ABCA2: variants seen among roughly 807,000 people sequenced by gnomAD.
The protein encoded by ABCA2 is ATP-binding cassette sub-family A member 2.
Under a neutral mutation model 262.8 loss-of-function variants are expected in ABCA2, and 84 were observed. That is an observed-to-expected ratio of 0.32 (90% CI 0.27 to 0.38). ABCA2 has a LOEUF of 0.38. Among genes scored for constraint, ABCA2 ranks in the 10% least tolerant of loss-of-function variants. The probability of loss-of-function intolerance (pLI) is 1.00; values close to 1 mark genes in which losing one functional copy is unlikely to be tolerated. For missense variants in ABCA2, 2,662 were observed against 3,405.9 expected, an observed-to-expected ratio of 0.78 and a Z score of 5.44; for synonymous variants, 1,696 against 1,502.9, an observed-to-expected ratio of 1.13 and a Z score of -2.97.
Position 137,018,314 on chromosome 9 carries a change from C to G in ABCA2, c.1857G>C (p.Pro619=). 2 of 1,437,358 alleles carry G rather than the reference C, an allele frequency of 1.4e-6. No individual in the cohort carries two copies. Among genetic ancestry groups the G allele is most frequent in the Non-Finnish European group, 1.9e-6 (2 of 1,076,628 alleles). The allele number at this position is 1,437,358 out of a possible 1,614,324, so 89.0% of individuals were successfully genotyped here. A position where few individuals can be genotyped will look rare whatever the true frequency, so the allele number is the denominator to read the frequency against. ...IFQTRKDGSL[P]PHVHYKIRQN... ...GGCGGATCTTGTAGTGCACGTGAGG[C>G]GGGAGCGAGCCGTCCTTCCGGGTCT... Residue 619 remains proline, a synonymous_variant, in exon 14 of 49, where the codon CCG becomes CCC. Coordinates refer to ENST00000341511, the MANE Select transcript of ABCA2 (RefSeq NM_001606.5).
Position 137,010,604 on chromosome 9 carries a change from CAT to C in ABCA2, c.6174+14_6174+15del. The C allele has an allele frequency of 2.8e-6, 2 of 720,256 alleles. No homozygotes were observed. Among genetic ancestry groups the C allele is most frequent in the Non-Finnish European group, 5.0e-6 (2 of 398,230 alleles). The allele number at this position is 720,256 out of a possible 1,614,324, so 44.6% of individuals were successfully genotyped here. On this transcript the variant is annotated intron_variant, in intron 40 of 48. Transcript: ENST00000341511. Reference sequence around the variant, plus strand: ...CCTACCCCACCCAGGCCCCACCCTACATGCCCAGAGCCCACCTTGGTCAGGTT... The same window carrying C: ...CCTACCCCACCCAGGCCCCACCCTACGCCCAGAGCCCACCTTGGTCAGGTT...
chr9:137,019,893 T>A lies in ABCA2; in HGVS notation c.1425+443A>T, dbSNP rs986370400. 2 of 203,158 alleles carry A rather than the reference T, an allele frequency of 9.8e-6. No individual in the cohort carries two copies. Among genetic ancestry groups the A allele is most frequent in the Non-Finnish European group, 2.0e-5 (2 of 99,676 alleles). 12.6% of individuals were successfully genotyped at this position (203,158 alleles called of 1,614,324 possible). Reference sequence around the variant, plus strand: ...TCCACCCTCATCTGTCCCACCCTCATCCTAGGGACCCCCTCTACACCCAGG... The same window carrying A: ...TCCACCCTCATCTGTCCCACCCTCAACCTAGGGACCCCCTCTACACCCAGG... On this transcript the variant is annotated intron_variant, in intron 10 of 48. Coordinates refer to ENST00000341511, the MANE Select transcript of ABCA2 (RefSeq NM_001606.5). This position sits in a 1 kb window ranked among gnomAD's most constrained non-coding sequence, Gnocchi z 4.4.
Position 137,015,540 on chromosome 9 carries a change from G to A in ABCA2, c.3571C>T (p.Arg1191Cys), listed in dbSNP as rs1156673890. The change falls in exon 24 of 49, where the codon CGC becomes TGC. Residue 1191 changes from arginine to cysteine, a missense_variant. Transcript: ENST00000341511. ...TTCCCATGGGAGATGATGGCAATGC[G>A]GTCCCCAAGCAGGTCAGCCTCATCC... is the stretch of plus-strand genomic sequence containing the variant. ...HMDEADLLGD[R>C]IAIISHGKLK... 8.1e-6 allele frequency: 13 copies of A among 1,612,470 alleles called. No individual in the cohort carries two copies. The highest frequency in any genetic ancestry group is 6.8e-6 in the Non-Finnish European group (8 of 1,179,856).
Position 137,009,549 on chromosome 9 carries a change from T to C in ABCA2, c.6726A>G (p.Thr2242=), listed in dbSNP as rs1420185680. The C allele has an allele frequency of 1.2e-6, 2 of 1,612,640 alleles. No individual in the cohort carries two copies. Among genetic ancestry groups the C allele is most frequent in the Non-Finnish European group, 1.7e-6 (2 of 1,179,908 alleles). Residue 2242 remains threonine, a synonymous_variant, in exon 44 of 49, where the codon ACA becomes ACG. Transcript: ENST00000341511. ...GGTGGGGGCGCCCTCACCTGTGTGA[T>C]GTCAGCACCACTGAACGCCCTGTCT... ...LIKTGRSVVL[T]SHSMEECEAL... is the part of the protein sequence containing the mutation.
At position 137,017,690 on chromosome 9, in the gene ABCA2, C is replaced by T. The variant is rs758224635; in HGVS notation, c.2214G>A (p.Val738=). The change falls in exon 17 of 49, where the codon GTG becomes GTA. Residue 738 remains valine (V), a splice_region_variant and synonymous_variant. Transcript: ENST00000341511. ...CGTTGTTCAGGCCCATGGTCTTCATCACCTGCGGGTGGGCCAGGGGCTTGG... is the reference window on the plus strand; with the variant it reads ...CGTTGTTCAGGCCCATGGTCTTCATTACCTGCGGGTGGGCCAGGGGCTTGG... ...VAEKEHRLKE[V]MKTMGLNNAV... The T allele has an allele frequency of 6.2e-7, 1 of 1,607,986 alleles. No individual in the cohort carries two copies. Among genetic ancestry groups the T allele is most frequent in the South Asian group, 1.1e-5 (1 of 91,022 alleles).
intron 10 of ABCA2, 176 bp downstream of exon 10, chr9:137,020,160 C>CCTG (rs11273732): frequency 0.084 from 68,776 of 817,760 alleles, 3,586 homozygotes; most frequent in African/African-American, 0.2. Context: ...CTGGAGCTCC[C>CCTG]GAAAGGAAAA....
At chr9:137,027,481 CAGGCTGGCCA>C (rs920527987) in intron 1 of ABCA2, 1 of 152,672 alleles carries the variant, frequency 6.5e-6, no homozygotes. Context: ...TGCAGAGATT[CAGGCTGGCCA>C]AGGCTGGCAC....
Position 137,013,335 on chromosome 9 carries a change from T to G in ABCA2, c.4551-17A>C, listed in dbSNP as rs1831136260. On this transcript the variant is annotated splice_polypyrimidine_tract_variant and intron_variant, in intron 29 of 48. Coordinates refer to ENST00000341511, the MANE Select transcript of ABCA2 (RefSeq NM_001606.5). The stretch of plus-strand genomic sequence containing the variant: ...AGCCGCAGCCTGCGGGCACCGACAG[T>G]GTGAGGTGGGGCTGCCAGTCTCCGC... The G allele has an allele frequency of 6.5e-7, 1 of 1,537,208 alleles. No homozygotes were observed. Among genetic ancestry groups the G allele is most frequent in the Non-Finnish European group, 8.7e-7 (1 of 1,148,058 alleles).
In ABCA2 at chr9:137,018,708, G is replaced by C. The variant is rs758261778; in HGVS notation, c.1819+11C>G. 6.2e-7 allele frequency: 1 copy of C among 1,606,808 alleles called. No homozygotes were observed. The highest frequency in any genetic ancestry group is 2.2e-5 in the East Asian group (1 of 44,752). ...GTGGGGGGCTGGGGCGGGGCGGGGA[G>C]GGCAGCTCACTGGCAAAAACAGTGA... On this transcript the variant is annotated intron_variant, in intron 13 of 48. Coordinates refer to ENST00000341511, the MANE Select transcript of ABCA2 (RefSeq NM_001606.5).
chr9:137,016,587 C>A lies in ABCA2; in HGVS notation c.2910G>T (p.Glu970Asp). Residue 970 changes from glutamate (E) to aspartate (D), a missense_variant, in exon 20 of 49, where the codon GAG (glutamate) becomes GAT (aspartate). By Grantham distance (45) the Glu-to-Asp change is conservative. Around this residue, in one of 12 missense-constraint regions of ABCA2, gnomAD observed 133 missense variants for 150.8 expected, o/e 0.88. Transcript: ENST00000341511. ...TGCCAGCCTCACCAAAGCGCCGGCTCTCCATGGCACAGGCCTGGTCCTCCT... is the reference window on the plus strand; with the variant it reads ...TGCCAGCCTCACCAAAGCGCCGGCTATCCATGGCACAGGCCTGGTCCTCCT... ...VMEEDQACAM[E>D]SRRFEETRGM... 6.2e-7 allele frequency: 1 copy of A among 1,612,236 alleles called. No homozygotes were observed. Among genetic ancestry groups the A allele is most frequent in the Non-Finnish European group, 8.5e-7 (1 of 1,179,936 alleles).
At chr9:137,027,088 C>T (rs1831677826) in intron 1 of ABCA2, among the ~76,000 whole-genome samples, 1 of 152,232 alleles carries the variant, frequency 6.6e-6, no homozygotes. Flanking sequence ...CGCCCGGGCC[C>T]TGGCTGGGCA....
chr9:137,009,954 A>G (rs1830974685), intron 42 of ABCA2, 29 bp downstream of exon 42: 1 of 1,594,192 alleles, frequency 6.3e-7, no homozygotes, highest in Non-Finnish European at 8.6e-7. Context: ...CAGCGTGCTG[A>G]CTCCCTGCCC....
At chr9:137,024,041 A>C in intron 2 of ABCA2, 102 bp downstream of exon 2, 1 of 1,514,060 alleles carries the variant, frequency 6.6e-7, no homozygotes, top group Non-Finnish European at 8.9e-7. Flanking sequence ...CACCTCAGGG[A>C]CTCCGGGAGC....
rs767415401 is a variant in ABCA2, at chr9:137,022,985, G to A, written c.231C>T (p.Asp77=). The A allele has an allele frequency of 2.0e-5, 32 of 1,593,122 alleles. No individual in the cohort carries two copies. The African/African-American group carries it at 2.1e-4, about 11-fold the overall frequency. Residue 77 remains aspartate (D), a synonymous_variant, in exon 4 of 49, where the codon GAC becomes GAT. Transcript: ENST00000341511. The part of the protein sequence containing the change: ...ILPVMQSLCP[D]GQRDEFGFLQ... ...GGAAGCCGAACTCGTCTCGCTGGCC[G>A]TCCGGGCACAGCGATTGCATGACAG...
At chr9:137,008,027 C>A in intron 48 of ABCA2, 63 bp from the exon 49 acceptor site, 1 of 1,570,052 alleles carries the variant, frequency 6.4e-7, no homozygotes, top group South Asian at 1.1e-5. Context: ...GGGCTGAGGA[C>A]ACTTGTGCTG....
chr9:137,016,310 C>A lies in ABCA2; in HGVS notation c.3085G>T (p.Ala1029Ser), dbSNP rs772040680. 1.2e-6 allele frequency: 2 copies of A among 1,612,794 alleles called. No individual in the cohort carries two copies. The highest frequency in any genetic ancestry group is 1.7e-6 in the Non-Finnish European group (2 of 1,179,952). ...QVVSFLGHNG[A>S]GKTTTMSILT... is the part of the protein sequence containing the mutation. The stretch of plus-strand genomic sequence containing the variant: ...ACTCACATGGTGGTGGTCTTGCCCG[C>A]CCCGTTGTGGCCCAAGAAGGAGACC... Residue 1029 changes from alanine to serine, a missense_variant, in exon 21 of 49, where the codon GCG becomes TCG. This residue lies in a region of ABCA2 where 180 missense variants were observed against 307.3 expected (regional missense o/e 0.59). Transcript: ENST00000341511.
At chr9:137,009,301 C>A in intron 45 of ABCA2, 69 bp downstream of exon 45, 1 of 1,389,212 alleles carries the variant, frequency 7.2e-7, no homozygotes, top group East Asian at 2.6e-5. Context: ...CACCCCCACT[C>A]CTGGCCCCGC....
At chr9:137,017,946 C>G in intron 15 of ABCA2, 27 bp downstream of exon 15, 2 of 1,612,246 alleles carry the variant, frequency 1.2e-6, no homozygotes, top group Non-Finnish European at 1.7e-6. Context: ...CCAGCCCCAG[C>G]CCCAGCCCCG....
At position 137,012,253 on chromosome 9, in the gene ABCA2, A is replaced by G. The variant is rs1407626385; in HGVS notation, c.5299+12T>C. 4 of 1,292,402 alleles carry G rather than the reference A, an allele frequency of 3.1e-6. No homozygotes were observed. The highest frequency in any genetic ancestry group is 4.2e-6 in the Non-Finnish European group (4 of 956,790). The allele number at this position is 1,292,402 out of a possible 1,614,324, so 80.1% of individuals were successfully genotyped here. On this transcript the variant is annotated intron_variant, in intron 33 of 48. Transcript: ENST00000341511. Reference sequence around the variant, plus strand: ...CTCCCCGCCCCGCCCCGCCCTGCCTATGTCAGCTCACCGTAAGCCGCCGGG... The same window carrying G: ...CTCCCCGCCCCGCCCCGCCCTGCCTGTGTCAGCTCACCGTAAGCCGCCGGG...
Sources: gnomAD v4.1 joint callset for allele counts (sites outside exome capture counted in the v4.1 genomes callset) on GRCh38, gnomAD v4.1.1 for gene constraint, gnomAD v4.1.1 regional missense constraint, Gnocchi (gnomAD v3.1) non-coding constraint, MANE v1.5 for transcripts, NCBI Gene and HGNC (gene_info 2026-07-23, HGNC 2026-07-21) for gene names.